THSD7B: variants seen among roughly 807,000 people sequenced by gnomAD.
The protein encoded by THSD7B is thrombospondin type 1 domain containing 7B, also known as thrombospondin type-1 domain-containing protein 7B.
THSD7B carries 138 observed loss-of-function variants against 213.6 expected under a neutral mutation model. The observed-to-expected ratio is 0.65, with a 90% confidence interval of 0.56 to 0.74. THSD7B has a LOEUF of 0.74. Ranked by LOEUF, THSD7B falls within the 30% of genes least tolerant of loss-of-function variation. The probability of loss-of-function intolerance (pLI) is 0.00; values close to 1 mark genes in which losing one functional copy is unlikely to be tolerated. For missense variants in THSD7B, 1,931 were observed against 1,991.5 expected, an observed-to-expected ratio of 0.97 and a Z score of 0.58; for synonymous variants, 742 against 687.0, an observed-to-expected ratio of 1.08 and a Z score of -1.25.
chr2:137,561,430 A>C (rs565892485), intron 15 of THSD7B, among the ~76,000 whole-genome samples: 6 of 152,322 alleles, frequency 3.9e-5, no homozygotes, highest in African/African-American at 1.4e-4. Context: ...CATGAAATAT[A>C]GGATAAATTA....
intron 2 of THSD7B, among the ~76,000 whole-genome samples, chr2:137,031,263 A>G (rs1400981878): frequency 2.0e-5 from 3 of 152,152 alleles, no homozygotes; most frequent in Non-Finnish European, 4.4e-5. Context: ...GAGAATCACT[A>G]AAACCTGGGA....
At chr2:137,009,117 G>A (rs1223575667) in intron 2 of THSD7B, among the ~76,000 whole-genome samples, 1 of 152,158 alleles carries the variant, frequency 6.6e-6, no homozygotes, top group Non-Finnish European at 1.5e-5. Context: ...TTTGACATAA[G>A]ATTGATACTG....
intron 2 of THSD7B, among the ~76,000 whole-genome samples, chr2:136,978,873 A>T (rs896922330): frequency 4.0e-5 from 6 of 148,858 alleles, no homozygotes; most frequent in Admixed American, 4.0e-4. Flanking sequence ...TAGCTGCTTT[A>T]TAGTGTCAAT....
At chr2:137,574,672 A>T (rs1681422411) in intron 17 of THSD7B, among the ~76,000 whole-genome samples, 1 of 152,128 alleles carries the variant, frequency 6.6e-6, no homozygotes, top group South Asian at 2.1e-4. Context: ...TGTAAACTTC[A>T]AAGTGAAAAA....
intron 2 of THSD7B, among the ~76,000 whole-genome samples, chr2:137,051,948 A>G (rs879695841): frequency 1.3e-5 from 2 of 152,138 alleles, no homozygotes; most frequent in Admixed American, 6.5e-5. Flanking sequence ...CATGCCCCCA[A>G]CTAATCCAGT....
intron 3 of THSD7B, among the ~76,000 whole-genome samples, chr2:137,091,074 A>C (rs1480757031): frequency 1.3e-5 from 2 of 152,234 alleles, no homozygotes; most frequent in Non-Finnish European, 2.9e-5. Flanking sequence ...AACATTAAAA[A>C]TATGTTAATA....
intron 12 of THSD7B, among the ~76,000 whole-genome samples, chr2:137,348,750 A>G (rs1043515265): frequency 9.1e-5 from 11 of 121,288 alleles, no homozygotes; most frequent in Non-Finnish European, 3.4e-5. Flanking sequence ...TACTAGGGGC[A>G]TGGGAGTGGA....
At chr2:137,362,637 G>C (rs561759035) in intron 12 of THSD7B, among the ~76,000 whole-genome samples, 295 of 152,296 alleles carry the variant, frequency 1.9e-3, no homozygotes, top group African/African-American at 6.5e-3. Context: ...AAGAGACAAA[G>C]AAGGCCATTA....
At chr2:137,388,537 C>T (rs1019362322) in intron 12 of THSD7B, among the ~76,000 whole-genome samples, 2 of 152,044 alleles carry the variant, frequency 1.3e-5, no homozygotes, top group Non-Finnish European at 2.9e-5. Flanking sequence ...GTCATGTCTT[C>T]CAGCTATTTT....
At chr2:137,052,319 T>C (rs1198673582) in intron 2 of THSD7B, among the ~76,000 whole-genome samples, 2 of 152,186 alleles carry the variant, frequency 1.3e-5, no homozygotes, top group Non-Finnish European at 2.9e-5. Flanking sequence ...CATTACATCA[T>C]TGAAGTACTT....
chr2:137,265,648 G>A (rs1682570747), intron 10 of THSD7B, among the ~76,000 whole-genome samples: 1 of 152,184 alleles, frequency 6.6e-6, no homozygotes. Flanking sequence ...CTGTTGAGTA[G>A]ATAATTTTAA....
chr2:137,378,794 T>C (rs1287608337), intron 12 of THSD7B, among the ~76,000 whole-genome samples: 2 of 152,182 alleles, frequency 1.3e-5, no homozygotes, highest in African/African-American at 4.8e-5. Flanking sequence ...CTTCCAATCA[T>C]GGCTGAGTAA....
At chr2:136,820,053 C>T (rs1330077501) in intron 1 of THSD7B, among the ~76,000 whole-genome samples, 2 of 152,150 alleles carry the variant, frequency 1.3e-5, no homozygotes, top group East Asian at 3.9e-4. Flanking sequence ...TAGAAGCACA[C>T]GCATTCCTCT....
At chr2:137,259,961 A>C (rs958546909) in intron 10 of THSD7B, among the ~76,000 whole-genome samples, 3 of 151,784 alleles carry the variant, frequency 2.0e-5, no homozygotes, top group Non-Finnish European at 4.4e-5. Flanking sequence ...TGGAGGTTGT[A>C]GGTTTTGCCT....
At chr2:137,019,777 A>G (rs1162660319) in intron 2 of THSD7B, among the ~76,000 whole-genome samples, 1 of 152,164 alleles carries the variant, frequency 6.6e-6, no homozygotes, top group South Asian at 2.1e-4. Context: ...CCTGGCACCT[A>G]TTAGATTCTC....
intron 2 of THSD7B, among the ~76,000 whole-genome samples, chr2:136,922,674 A>G (rs1482717026): frequency 2.0e-5 from 3 of 152,232 alleles, no homozygotes. Flanking sequence ...TTTAAAGTAG[A>G]TAACCTAGAC....
intron 4 of THSD7B, among the ~76,000 whole-genome samples, chr2:137,110,552 G>A (rs1256073080): frequency 1.3e-5 from 2 of 152,318 alleles, no homozygotes; most frequent in South Asian, 2.1e-4. Flanking sequence ...GGACATCAGA[G>A]CTGTTTTTAC....
intron 2 of THSD7B, among the ~76,000 whole-genome samples, chr2:136,980,443 G>A (rs527612295): frequency 6.6e-6 from 1 of 152,322 alleles, no homozygotes; most frequent in East Asian, 1.9e-4. Context: ...GCCCTGGCTG[G>A]AGTTGCTGAA....
intron 17 of THSD7B, among the ~76,000 whole-genome samples, chr2:137,586,085 T>C (rs994712465): frequency 3.3e-5 from 5 of 152,180 alleles, no homozygotes; most frequent in African/African-American, 1.2e-4. Context: ...TTTACCATTA[T>C]GTAATGGCCT....
Sources: allele counts gnomAD v4.1 joint callset (sites outside exome capture counted in the v4.1 genomes callset), GRCh38; gene constraint gnomAD v4.1.1; transcripts MANE v1.5; gene names NCBI Gene and HGNC (gene_info 2026-07-23, HGNC 2026-07-21).